CADM2: variants seen among roughly 807,000 people sequenced by gnomAD.
CADM2 encodes cell adhesion molecule 2.
In CADM2, 12 loss-of-function variants were observed where a neutral mutation model predicts 49.8. The ratio of observed to expected loss-of-function variants is 0.24; its 90% CI spans 0.15 to 0.39. CADM2 has a LOEUF of 0.39. CADM2 is among the 10% of genes least tolerant of loss of function. The probability of loss-of-function intolerance (pLI) is 1.00; values close to 1 mark genes in which losing one functional copy is unlikely to be tolerated. For synonymous variants in CADM2, 214 were observed against 175.4 expected, an observed-to-expected ratio of 1.22 and a Z score of -1.74; for missense variants, 378 against 492.3, an observed-to-expected ratio of 0.77 and a Z score of 2.20.
At position 85,057,053 on chromosome 3, in the gene CADM2, T is replaced by A. The variant is rs367740889; in HGVS notation, c.61+97385T>A. On this transcript the variant is annotated intron_variant, in intron 1 of 9. Transcript: ENST00000383699. ...GGTTGAGAATCTCTGGTGCAGATAA[T>A]CTCTCGAATTCATTGTTGGCAAATG... 1.9e-4 allele frequency among the ~76,000 whole-genome samples: 29 copies of A among 152,226 alleles called. No individual in the cohort carries two copies. In the East Asian group the frequency reaches 5.0e-3, roughly 26 times the overall value.
chr3:85,550,181 G>C (rs1281503627), intron 1 of CADM2, among the ~76,000 whole-genome samples: 2 of 152,074 alleles, frequency 1.3e-5, no homozygotes, highest in Non-Finnish European at 2.9e-5. Context: ...CTGCGTTTCT[G>C]CTCTAGTTTA....
At chr3:85,656,590 T>G (rs2065205400) in intron 1 of CADM2, among the ~76,000 whole-genome samples, 1 of 152,166 alleles carries the variant, frequency 6.6e-6, no homozygotes, top group African/African-American at 2.4e-5. Context: ...CACTCCAGCC[T>G]GGGTGACAGG....
intron 1 of CADM2, among the ~76,000 whole-genome samples, chr3:85,506,562 AT>A (rs536465172): frequency 0.017 from 2,578 of 150,264 alleles, 46 homozygotes; most frequent in Non-Finnish European, 0.027. Context: ...AAGTCTTCTG[AT>A]TTTTTTTTTA....
chr3:85,780,882 G>A (rs978512179), intron 2 of CADM2, among the ~76,000 whole-genome samples: 1 of 151,916 alleles, frequency 6.6e-6, no homozygotes, highest in African/African-American at 2.4e-5. Context: ...ACTTGTTTCG[G>A]CCAATGAGAC....
chr3:85,296,497 G>C (rs1458607291), intron 1 of CADM2, among the ~76,000 whole-genome samples: 1 of 151,752 alleles, frequency 6.6e-6, no homozygotes, highest in Admixed American at 6.6e-5. Flanking sequence ...ATAGTAACAT[G>C]TTTTATAGTC....
chr3:85,076,704 G>A (rs1321813512), intron 1 of CADM2, among the ~76,000 whole-genome samples: 1 of 151,824 alleles, frequency 6.6e-6, no homozygotes, highest in African/African-American at 2.4e-5. Context: ...GGGCATGGTG[G>A]TTCACACCTT....
At chr3:85,445,189 G>T (rs2037389598) in intron 1 of CADM2, among the ~76,000 whole-genome samples, 1 of 152,094 alleles carries the variant, frequency 6.6e-6, no homozygotes, top group Admixed American at 6.6e-5. Flanking sequence ...GAGATAGTAT[G>T]CTACAAAGTT....
At chr3:85,996,859 A>C (rs1172084988) in intron 8 of CADM2, among the ~76,000 whole-genome samples, 1 of 152,168 alleles carries the variant, frequency 6.6e-6, no homozygotes, top group East Asian at 1.9e-4. Flanking sequence ...TATTTGACCA[A>C]GTCTTAAAAC....
intron 1 of CADM2, among the ~76,000 whole-genome samples, chr3:85,152,752 T>A (rs1051419833): frequency 6.6e-6 from 1 of 151,940 alleles, no homozygotes; most frequent in African/African-American, 2.4e-5. Context: ...GGTCAGGAGA[T>A]CGAGACCATC....
At chr3:85,048,231 T>C (rs1467267609) in intron 1 of CADM2, among the ~76,000 whole-genome samples, 1 of 152,192 alleles carries the variant, frequency 6.6e-6, no homozygotes, top group East Asian at 1.9e-4. Flanking sequence ...TTTTATGTAA[T>C]AGGCACATTT....
chr3:85,456,478 T>C (rs1264952576), intron 1 of CADM2, among the ~76,000 whole-genome samples: 1 of 152,194 alleles, frequency 6.6e-6, no homozygotes, highest in African/African-American at 2.4e-5. Flanking sequence ...TGAATGATAT[T>C]CTGTGCAGTC....
intron 1 of CADM2, among the ~76,000 whole-genome samples, chr3:85,615,602 T>A (rs1384505970): frequency 6.6e-6 from 1 of 151,882 alleles, no homozygotes; most frequent in Non-Finnish European, 1.5e-5. Flanking sequence ...TGTCTTTCTT[T>A]CCTTATTTCT....
chr3:85,882,143 G>T (rs888732284), intron 3 of CADM2, among the ~76,000 whole-genome samples: 2 of 151,766 alleles, frequency 1.3e-5, no homozygotes, highest in African/African-American at 4.8e-5. Context: ...TTTTGGTAGA[G>T]ACATCCCCCC....
intron 8 of CADM2, among the ~76,000 whole-genome samples, chr3:86,039,986 C>A (rs1351962396): frequency 6.6e-6 from 1 of 152,178 alleles, no homozygotes; most frequent in Non-Finnish European, 1.5e-5. Context: ...CTGGAGTGGA[C>A]CTCCAGCAAA....
At chr3:85,260,390 A>C (rs1162838227) in intron 1 of CADM2, among the ~76,000 whole-genome samples, 1 of 152,136 alleles carries the variant, frequency 6.6e-6, no homozygotes, top group Non-Finnish European at 1.5e-5. Flanking sequence ...GGTCTGGACA[A>C]ATTTTTGAAG....
rs964095352 is a variant in CADM2, at chr3:85,908,828, G to A, written c.530-3545G>A. Among the ~76,000 whole-genome samples, 115 of 151,722 alleles carry A rather than the reference G, an allele frequency of 7.6e-4. 1 individual carries two copies. The highest frequency in any genetic ancestry group is 2.7e-3 in the African/African-American group (111 of 41,366). ...CAACCTCCACTTCCCGGGTTCAAGC[G>A]ATTCTTCTGCCTCAGCCTCCTGAGT... On this transcript the variant is annotated intron_variant, in intron 5 of 9. Coordinates refer to ENST00000383699, the MANE Select transcript of CADM2 (RefSeq NM_001167675.2).
intron 2 of CADM2, among the ~76,000 whole-genome samples, chr3:85,796,155 T>G (rs1455700714): frequency 6.6e-6 from 1 of 152,208 alleles, no homozygotes; most frequent in East Asian, 1.9e-4. Flanking sequence ...CCATGTATAT[T>G]TTTATTAGCA....
At chr3:85,919,493 T>C (rs972771179) in intron 6 of CADM2, among the ~76,000 whole-genome samples, 10 of 151,954 alleles carry the variant, frequency 6.6e-5, no homozygotes, top group Middle Eastern at 3.4e-3. Flanking sequence ...AAATATATCA[T>C]ATATATTTAA....
At chr3:86,013,831 T>C in intron 8 of CADM2, 3 of 1,590,536 alleles carry the variant, frequency 1.9e-6, no homozygotes, top group South Asian at 1.1e-5. Context: ...CAGGCTTACA[T>C]TGTGTCTAGT....
Sources: allele counts gnomAD v4.1 joint callset (sites outside exome capture counted in the v4.1 genomes callset), GRCh38; gene constraint gnomAD v4.1.1; transcripts MANE v1.5; gene names NCBI Gene and HGNC (gene_info 2026-07-23, HGNC 2026-07-21).